PRKAR1A: variants seen among roughly 807,000 people sequenced by gnomAD.
PRKAR1A encodes cAMP-dependent protein kinase type I-alpha regulatory subunit.
Under a neutral mutation model 52.0 loss-of-function variants are expected in PRKAR1A, and 3 were observed. The observed-to-expected ratio is 0.06, with a 90% CI of 0.03 to 0.15. The LOEUF (loss-of-function observed/expected upper bound fraction) is 0.15, where lower values mean the gene tolerates loss of function less well. PRKAR1A is among the 10% of genes least tolerant of loss of function. PRKAR1A has a pLI of 1.00. For missense variants in PRKAR1A, 240 were observed against 477.4 expected (o/e 0.50, Z 4.63); for synonymous variants, 188 against 168.4 (o/e 1.12, Z -0.90).
chr17:68,457,587 C>T, the PRKAR1A span: 1 of 314,626 alleles, frequency 3.2e-6, no homozygotes, highest in Admixed American at 6.2e-5. Flanking sequence ...CCCTACCCCG[C>T]CCCGTCCCCG....
chr17:68,543,634 C>T lies in PRKAR1A; in HGVS notation c.974-7450C>T, dbSNP rs2143525300. 2 of 1,614,056 alleles carry T rather than the reference C, an allele frequency of 1.2e-6. No homozygotes were observed. The highest frequency in any genetic ancestry group is 1.7e-6 in the Non-Finnish European group (2 of 1,179,966). ...TCCATGGGGCCAGACCCTACCTGTC[C>T]AGATGGAAAGCTGCGATCTCAGCAT... On this transcript the variant is annotated intron_variant, in intron 11 of 11. Transcript: ENST00000585981.
Position 68,532,710 on chromosome 17 carries a change from A to G in PRKAR1A, c.*2261A>G. 2 of 1,066,246 alleles carry G rather than the reference A, an allele frequency of 1.9e-6. No homozygotes were observed. Among genetic ancestry groups the G allele is most frequent in the Non-Finnish European group, 2.3e-6 (2 of 879,636 alleles). 66.0% of individuals were successfully genotyped at this position (1,066,246 alleles called of 1,614,324 possible). ...TGTGTGCTAATATACTTTTTTTGTT[A>G]TAGATTGTCTTAATGGTAGGTCAAG... On this transcript the variant is annotated 3_prime_UTR_variant, in exon 11 of 11. Coordinates refer to ENST00000589228, the MANE Select transcript of PRKAR1A (RefSeq NM_002734.5).
chr17:68,549,467 C>G (rs1206687621), intron 11 of PRKAR1A, among the ~76,000 whole-genome samples: 1 of 149,406 alleles, frequency 6.7e-6, no homozygotes, highest in Non-Finnish European at 1.5e-5. Flanking sequence ...GCACTCCAGC[C>G]TGGGCAACAA....
At chr17:68,434,614 G>A in the PRKAR1A span, 16 of 1,613,816 alleles carry the variant, frequency 9.9e-6, 1 homozygote, top group African/African-American at 4.0e-5. Context: ...GAGAACACCC[G>A]GATGACTGTG....
the PRKAR1A span, among the ~76,000 whole-genome samples, chr17:68,472,379 C>G: frequency 2.0e-5 from 3 of 152,132 alleles, no homozygotes; most frequent in Non-Finnish European, 4.4e-5. Flanking sequence ...GGTGGAACTC[C>G]CAGGAACTTT....
At chr17:68,465,467 A>T in the PRKAR1A span, among the ~76,000 whole-genome samples, 8 of 149,520 alleles carry the variant, frequency 5.4e-5, no homozygotes, top group African/African-American at 7.4e-5. Flanking sequence ...TATTATTATT[A>T]TTTTTTAGAT....
chr17:68,544,987 A>G (rs527947308), intron 11 of PRKAR1A, among the ~76,000 whole-genome samples: 1 of 152,308 alleles, frequency 6.6e-6, no homozygotes, highest in East Asian at 1.9e-4. Flanking sequence ...TGCACATTAT[A>G]TTGTATACAT....
the PRKAR1A span, chr17:68,426,250 G>GGGT: frequency 2.4e-6 from 2 of 828,058 alleles, no homozygotes; most frequent in Admixed American, 2.3e-5. Context: ...GGTGGGGAGC[G>GGGT]GGGGCTCAAA....
At position 68,530,975 on chromosome 17, in the gene PRKAR1A, G is replaced by A. The variant is rs886053308; in HGVS notation, c.*526G>A. ...TGCCTGTAATTAAACTAGTTTAAGG[G>A]TGGAAAAATGCCCATTTTTGCTAAT... On this transcript the variant is annotated 3_prime_UTR_variant, in exon 11 of 11. Coordinates refer to ENST00000589228, the MANE Select transcript of PRKAR1A (RefSeq NM_002734.5). 8 of 1,078,038 alleles carry A rather than the reference G, an allele frequency of 7.4e-6. No individual in the cohort carries two copies. Among genetic ancestry groups the A allele is most frequent in the African/African-American group, 1.6e-5 (1 of 61,220 alleles). The allele number at this position is 1,078,038 out of a possible 1,614,324, so 66.8% of individuals were successfully genotyped here.
the PRKAR1A span, among the ~76,000 whole-genome samples, chr17:68,480,437 T>G: frequency 6.6e-6 from 1 of 152,100 alleles, no homozygotes; most frequent in Non-Finnish European, 1.5e-5. Flanking sequence ...AGTTCAGGGG[T>G]TCCCAGACAA....
chr17:68,495,715 A>G, the PRKAR1A span, among the ~76,000 whole-genome samples: 1 of 152,054 alleles, frequency 6.6e-6, no homozygotes, highest in East Asian at 1.9e-4. Flanking sequence ...TTTTGATGCT[A>G]TAACAAATTA....
At position 68,523,715 on chromosome 17, in the gene PRKAR1A, T is replaced by TG. The variant is rs1568696023; in HGVS notation, c.349-10_349-9insG. On this transcript the variant is annotated splice_polypyrimidine_tract_variant and intron_variant, in intron 3 of 10. Transcript: ENST00000589228. Reference sequence around the variant, plus strand: ...ATGGAATTGTCATTTGACCTTCAGTTCTTTTCTAGGTTATACCAAAAGATT... The same window carrying TG: ...ATGGAATTGTCATTTGACCTTCAGTTGCTTTTCTAGGTTATACCAAAAGATT... 1 of 1,539,722 alleles carries TG rather than the reference T, an allele frequency of 6.5e-7. No individual in the cohort carries two copies. The highest frequency in any genetic ancestry group is 2.3e-5 in the East Asian group (1 of 44,414).
the PRKAR1A span, chr17:68,434,656 A>G: frequency 6.2e-7 from 1 of 1,611,756 alleles, no homozygotes; most frequent in Non-Finnish European, 8.5e-7. Context: ...GACATTTCAT[A>G]ACCATTAGTG....
rs1060504127 is a variant in PRKAR1A, at chr17:68,527,834, T to C, written c.709-6T>C. 1 of 1,607,120 alleles carries C rather than the reference T, an allele frequency of 6.2e-7. No individual in the cohort carries two copies. On this transcript the variant is annotated splice_polypyrimidine_tract_variant and splice_region_variant and intron_variant, in intron 7 of 10. Coordinates refer to ENST00000589228, the MANE Select transcript of PRKAR1A (RefSeq NM_002734.5). Reference sequence around the variant, plus strand: ...GGGATATCACTTTTGTTATTTTTATTTTTAGGGAAGCACACTGAGAAAGCG... The same window carrying C: ...GGGATATCACTTTTGTTATTTTTATCTTTAGGGAAGCACACTGAGAAAGCG...
intron 11 of PRKAR1A, among the ~76,000 whole-genome samples, chr17:68,538,967 A>T (rs2086177576): frequency 1.3e-5 from 2 of 152,188 alleles, no homozygotes; most frequent in Non-Finnish European, 2.9e-5. Context: ...CAGAGAGTGT[A>T]CTCACACAAA....
chr17:68,522,686 C>A, intron 2 of PRKAR1A, 70 bp from the exon 3 acceptor site: 1 of 1,515,312 alleles, frequency 6.6e-7, no homozygotes, highest in Non-Finnish European at 9.1e-7. Flanking sequence ...GATAGACTAT[C>A]ATTGGAACAT....
chr17:68,424,745 C>T, the PRKAR1A span, among the ~76,000 whole-genome samples: 6 of 152,190 alleles, frequency 3.9e-5, no homozygotes, highest in East Asian at 7.7e-4. Context: ...GGCATGGTGG[C>T]GCACATCTGT....
At chr17:68,494,237 T>C in the PRKAR1A span, among the ~76,000 whole-genome samples, 1 of 152,168 alleles carries the variant, frequency 6.6e-6, no homozygotes, top group Non-Finnish European at 1.5e-5. Context: ...CCTAAGTAAT[T>C]TGTTTGAGTA....
At chr17:68,543,823 A>C in intron 11 of PRKAR1A, 2 of 989,528 alleles carry the variant, frequency 2.0e-6, no homozygotes, top group Non-Finnish European at 3.2e-6. Context: ...ACGGGCTTTT[A>C]TGCTTTTCAT....
Sources: allele counts gnomAD v4.1 joint callset (sites outside exome capture counted in the v4.1 genomes callset), GRCh38; gene constraint gnomAD v4.1.1; transcripts MANE v1.5; gene names NCBI Gene and HGNC (gene_info 2026-07-23, HGNC 2026-07-21).